SHANK1: variants seen among roughly 807,000 people sequenced by gnomAD.
The protein encoded by SHANK1 is SH3 and multiple ankyrin repeat domains 1, also known as SH3 and multiple ankyrin repeat domains protein 1.
Under a neutral mutation model 165.6 loss-of-function variants are expected in SHANK1, and 35 were observed. That is an observed-to-expected ratio of 0.21 (90% CI 0.16 to 0.28). The LOEUF (loss-of-function observed/expected upper bound fraction) is 0.28, where lower values mean the gene tolerates loss of function less well. Among genes scored for constraint, SHANK1 ranks in the 10% least tolerant of loss-of-function variants. The pLI is 1.00. For missense variants in SHANK1, 2,681 were observed against 3,036.4 expected, an observed-to-expected ratio of 0.88 and a Z score of 2.75; for synonymous variants, 1,428 against 1,384.8, an observed-to-expected ratio of 1.03 and a Z score of -0.69.
rs985973569 is a variant in SHANK1 at position 50,670,409 on chromosome 19, C to T, written c.2675-1124G>A. Among the ~76,000 whole-genome samples the T allele has an allele frequency of 2.0e-5, 3 of 152,186 alleles. No homozygotes were observed. On this transcript the variant is annotated intron_variant, in intron 22 of 23. Transcript: ENST00000293441. This position sits in a 1 kb window ranked among gnomAD's most constrained non-coding sequence, Gnocchi z 4.1. ...TCATTTCCTATCTGGATAGCAATAG[C>T]TGTCACCTCCTCTTTGGTCCCCCGG...
chr19:50,665,770 A>G (rs1358199080), intron 23 of SHANK1, among the ~76,000 whole-genome samples: 1 of 144,858 alleles, frequency 6.9e-6, no homozygotes, highest in Non-Finnish European at 1.5e-5. Flanking sequence ...ATGTTGGCTC[A>G]TGCCTGTAAT....
Position 50,668,448 on chromosome 19 carries a change from C to A in SHANK1, c.3512G>T (p.Ser1171Ile). The A allele has an allele frequency of 7.5e-7, 1 of 1,334,528 alleles. No individual in the cohort carries two copies. Among genetic ancestry groups the A allele is most frequent in the Non-Finnish European group, 9.6e-7 (1 of 1,041,144 alleles). 82.7% of individuals were successfully genotyped at this position (1,334,528 alleles called of 1,614,324 possible). A position where few individuals can be genotyped will look rare whatever the true frequency, so the allele number is the denominator to read the frequency against. Residue 1171 changes from serine (S) to isoleucine (I), a missense_variant, in exon 23 of 24, where the codon AGC becomes ATC. Ser to Ile is a moderately radical substitution (Grantham distance 142). Transcript: ENST00000293441. ...CGCCTCGGTGCTGCTGCCCTGGCTG[C>A]TGCGGCCGCTGCTACTGGTGGACGG... ...KAPSTSSSGRSSQGSSTEAEP... is the reference protein window; with the variant it reads ...KAPSTSSSGRISQGSSTEAEP...
chr19:50,666,924 T>C lies in SHANK1; in HGVS notation c.5036A>G (p.Asp1679Gly). ...TGGGTGGTCACTGCTGCTCCGACTG[T>C]CCACCTCCTCGATGCCAGAATCCGT... ...PGTDSGIEEV[D>G]SRSSSDHPLE... The change falls in exon 23 of 24, where the codon GAC (aspartate) becomes GGC (glycine). Residue 1679 changes from aspartate (D) to glycine (G), a missense_variant. Physicochemically the swap from Asp to Gly is moderately conservative, Grantham distance 94. This residue lies in a region of SHANK1 where 1,713 missense variants were observed against 1,630.2 expected (regional missense o/e 1.05). Transcript: ENST00000293441. The C allele has an allele frequency of 6.2e-7, 1 of 1,601,568 alleles. No individual in the cohort carries two copies. Among genetic ancestry groups the C allele is most frequent in the Non-Finnish European group, 8.5e-7 (1 of 1,174,674 alleles).
Position 50,686,204 on chromosome 19 carries a change from C to G in SHANK1, c.2577+33G>C, listed in dbSNP as rs201912490. 7.7e-5 allele frequency: 101 copies of G among 1,319,126 alleles called. No homozygotes were observed. The highest frequency in any genetic ancestry group is 2.7e-4 in the East Asian group (11 of 41,358). 81.7% of individuals were successfully genotyped at this position (1,319,126 alleles called of 1,614,324 possible). ...AGGTTGGTGTGTGAACCGCCTCCCC[C>G]CTGGCAGTTCCTCCCCACACCAGGC... On this transcript the variant is annotated intron_variant, in intron 21 of 23. Coordinates refer to ENST00000293441, the MANE Select transcript of SHANK1 (RefSeq NM_016148.5). This position sits in a 1 kb window ranked among gnomAD's most constrained non-coding sequence, Gnocchi z 5.7.
At chr19:50,693,403 T>C (rs1267184369) in intron 15 of SHANK1, among the ~76,000 whole-genome samples, 4 of 106,670 alleles carry the variant, frequency 3.7e-5, no homozygotes, top group Non-Finnish European at 7.4e-5. Flanking sequence ...TGGCTGCCCC[T>C]GCAGCACCCC....
rs1475034721 is a variant in SHANK1 at position 50,662,279 on chromosome 19, G to A, written c.6172C>T (p.His2058Tyr). 6.2e-7 allele frequency: 1 copy of A among 1,612,168 alleles called. No homozygotes were observed. Among genetic ancestry groups the A allele is most frequent in the South Asian group, 1.1e-5 (1 of 90,944 alleles). Reference sequence around the variant, plus strand: ...CCGAGCCCCCCGGATATCCCCGGGTGTGGCGGCACAAAGACTGGGGCGAAG... The same window carrying A: ...CCGAGCCCCCCGGATATCCCCGGGTATGGCGGCACAAAGACTGGGGCGAAG... ...DPFAPVFVPP[H>Y]PGISGGLGGA... Residue 2058 changes from histidine to tyrosine, a missense_variant, in exon 24 of 24, where the codon CAC becomes TAC. By Grantham distance (83) the His-to-Tyr change is moderately conservative. Transcript: ENST00000293441. The surrounding 1 kb of genome is among the most constrained non-coding windows in gnomAD (Gnocchi z 7.7).
In SHANK1 at chr19:50,686,604, G is replaced by T; in HGVS notation, c.2458+140C>A. On this transcript the variant is annotated intron_variant, in intron 20 of 23. Coordinates refer to ENST00000293441, the MANE Select transcript of SHANK1 (RefSeq NM_016148.5). This position sits in a 1 kb window ranked among gnomAD's most constrained non-coding sequence, Gnocchi z 5.7. Reference sequence around the variant, plus strand: ...CGGGGCAGCCGTCGGGAGAGGGCGGGCGGAGGGAGGGGAGGTGGGATCGCA... The same window carrying T: ...CGGGGCAGCCGTCGGGAGAGGGCGGTCGGAGGGAGGGGAGGTGGGATCGCA... 1 of 809,822 alleles carries T rather than the reference G, an allele frequency of 1.2e-6. No homozygotes were observed. Among genetic ancestry groups the T allele is most frequent in the South Asian group, 1.7e-5 (1 of 59,514 alleles). The allele number at this position is 809,822 out of a possible 1,614,324, so 50.2% of individuals were successfully genotyped here.
In SHANK1 at chr19:50,668,975, C is replaced by T; in HGVS notation, c.2985G>A (p.Pro995=). ...KSLYHSGPLP[P]AHHHPPHHHH... ...GGTGGTGGGGCGGGTGGTGGTGGGC[C>T]GGGGGCAGGGGCCCACTGTGGTACA... Residue 995 remains proline (P), a synonymous_variant, in exon 23 of 24, where the codon CCG becomes CCA. Transcript: ENST00000293441. The T allele has an allele frequency of 4.7e-6, 1 of 212,024 alleles. No individual in the cohort carries two copies. The highest frequency in any genetic ancestry group is 8.1e-6 in the Non-Finnish European group (1 of 123,324). The allele number at this position is 212,024 out of a possible 1,614,324, so 13.1% of individuals were successfully genotyped here.
chr19:50,716,290 C>G lies in SHANK1; in HGVS notation c.444G>C (p.Gly148=). 6.2e-7 allele frequency: 1 copy of G among 1,614,062 alleles called. No homozygotes were observed. Among genetic ancestry groups the G allele is most frequent in the Non-Finnish European group, 8.5e-7 (1 of 1,179,976 alleles). The part of the protein sequence containing the change: ...LREYPQSFEK[G]VPYLEFRYKT... ...GAAGCTTCACCTCCAGGTAGGGGAC[C>G]CCCTTCTCAAAGGACTGGGGGTACT... is the stretch of plus-strand genomic sequence containing the variant. Residue 148 remains glycine (G), a synonymous_variant, in exon 3 of 24, where the codon GGG becomes GGC. Transcript: ENST00000293441. The surrounding 1 kb of genome is among the most constrained non-coding windows in gnomAD (Gnocchi z 8.4).
chr19:50,668,414 G>T lies in SHANK1; in HGVS notation c.3546C>A (p.Pro1182=), dbSNP rs925640863. 1.3e-5 allele frequency: 17 copies of T among 1,324,622 alleles called. No individual in the cohort carries two copies. The highest frequency in any genetic ancestry group is 3.0e-4 in the Middle Eastern group (1 of 3,326). 82.1% of individuals were successfully genotyped at this position (1,324,622 alleles called of 1,614,324 possible). Residue 1182 remains proline, a synonymous_variant, in exon 23 of 24, where the codon CCC becomes CCA. Transcript: ENST00000293441. ...SQGSSTEAEP[P]TQPEPTGGGG... is the part of the protein sequence containing the mutation. The stretch of plus-strand genomic sequence containing the variant: ...CGCCTCCCGTGGGCTCCGGCTGGGT[G>T]GGGGGCTCCGCCTCGGTGCTGCTGC...
chr19:50,709,031 G>A (rs1428383988), intron 8 of SHANK1, among the ~76,000 whole-genome samples: 4 of 152,226 alleles, frequency 2.6e-5, no homozygotes, highest in African/African-American at 4.8e-5. Flanking sequence ...GAAGACAAGG[G>A]GGGAAATGGA....
intron 23 of SHANK1, among the ~76,000 whole-genome samples, chr19:50,663,483 T>C (rs2123062535): frequency 6.6e-6 from 1 of 152,284 alleles, no homozygotes; most frequent in South Asian, 2.1e-4. Context: ...ACCTTGCCTG[T>C]TACATGAGAG....
At chr19:50,714,050 C>G in intron 5 of SHANK1, 101 bp from the exon 6 acceptor site, 1 of 1,542,146 alleles carries the variant, frequency 6.5e-7, no homozygotes, top group East Asian at 2.3e-5. Context: ...AGCCTCTGGC[C>G]CCGTGGCCTC....
rs1368005325 is a variant in SHANK1 at position 50,715,660 on chromosome 19, T to G, written c.530A>C (p.Lys177Thr). 4 of 1,613,864 alleles carry G rather than the reference T, an allele frequency of 2.5e-6. No homozygotes were observed. The highest frequency in any genetic ancestry group is 1.3e-5 in the African/African-American group (1 of 74,878). The stretch of plus-strand genomic sequence containing the variant: ...TAGATGCCAGCAGGGTTTTCTCACC[T>G]TCGTGTGCAACTTGGCCAGCTGCTT... Reference protein sequence around the residue: ...DEKQLAKLHTKTGLKKFLEYV... With the variant: ...DEKQLAKLHTTTGLKKFLEYV... The change falls in exon 4 of 24, where the codon AAG becomes ACG. Residue 177 changes from lysine to threonine, a missense_variant and splice_region_variant. Physicochemically the swap from Lys to Thr is moderately conservative, Grantham distance 78. This residue lies in a region of SHANK1 where 189 missense variants were observed against 440.9 expected (regional missense o/e 0.43). Transcript: ENST00000293441.
At chr19:50,666,144 G>A (rs1234795524) in intron 23 of SHANK1, 48 bp downstream of exon 23, 2 of 1,492,278 alleles carry the variant, frequency 1.3e-6, no homozygotes, top group South Asian at 2.7e-5. Flanking sequence ...ACACAGCCAT[G>A]CCATCAACAC....
At position 50,688,818 on chromosome 19, in the gene SHANK1, A is replaced by G; in HGVS notation, c.2172+26T>C. The G allele has an allele frequency of 6.2e-7, 1 of 1,601,170 alleles. No individual in the cohort carries two copies. The highest frequency in any genetic ancestry group is 8.5e-7 in the Non-Finnish European group (1 of 1,173,516). On this transcript the variant is annotated intron_variant, in intron 17 of 23. Transcript: ENST00000293441. This position sits in a 1 kb window ranked among gnomAD's most constrained non-coding sequence, Gnocchi z 6.7. Reference sequence around the variant, plus strand: ...GTCTGGGAACTTGTCACAGGGTCCCAGGGAAGAGAGGGGGCCTGGACTGAC... The same window carrying G: ...GTCTGGGAACTTGTCACAGGGTCCCGGGGAAGAGAGGGGGCCTGGACTGAC...
At position 50,718,843 on chromosome 19, in the gene SHANK1, GC is replaced by G. The variant is rs2123214181; in HGVS notation, c.-44+562del. 6.7e-6 allele frequency among the ~76,000 whole-genome samples: 1 copy of G among 149,834 alleles called. No individual in the cohort carries two copies. Among genetic ancestry groups the G allele is most frequent in the African/African-American group, 2.5e-5 (1 of 40,672 alleles). Reference sequence around the variant, plus strand: ...GGGCACCGGGGAGCAGGAGTCGGGGGCGGGAGCCGAGGGGGCGCGCCGGCCG... The same window carrying G: ...GGGCACCGGGGAGCAGGAGTCGGGGGGGGAGCCGAGGGGGCGCGCCGGCCG... On this transcript the variant is annotated intron_variant, in intron 1 of 23. Transcript: ENST00000293441. This position sits in a 1 kb window ranked among gnomAD's most constrained non-coding sequence, Gnocchi z 5.1.
chr19:50,689,143 CT>C, intron 16 of SHANK1, 53 bp downstream of exon 16: 1 of 1,444,246 alleles, frequency 6.9e-7, no homozygotes, highest in Non-Finnish European at 9.7e-7. Flanking sequence ...ATTTTCAGCC[CT>C]GCTTCTGGGG....
chr19:50,679,721 G>A (rs1440544864), intron 21 of SHANK1, among the ~76,000 whole-genome samples: 1 of 152,176 alleles, frequency 6.6e-6, no homozygotes, highest in Admixed American at 6.5e-5. Flanking sequence ...AGAGGGGATA[G>A]GGGAGAGAAT....
Sources: gnomAD v4.1 joint callset for allele counts (sites outside exome capture counted in the v4.1 genomes callset) on GRCh38, gnomAD v4.1.1 for gene constraint, gnomAD v4.1.1 regional missense constraint, Gnocchi (gnomAD v3.1) non-coding constraint, MANE v1.5 for transcripts, NCBI Gene and HGNC (gene_info 2026-07-23, HGNC 2026-07-21) for gene names.